PLAC1: variants seen among roughly 807,000 people sequenced by gnomAD.
PLAC1 encodes placenta associated 1.
For missense variants in PLAC1, 136 were observed against 163.2 expected (o/e 0.83, Z 0.91); for synonymous variants, 68 against 62.1 (o/e 1.09, Z -0.44).
intron 1 of PLAC1, among the ~76,000 whole-genome samples, chrX:134,652,912 A>G (rs2078370818): frequency 8.9e-6 from 1 of 111,987 alleles, no homozygotes; most frequent in African/African-American, 3.3e-5. Flanking sequence ...CCCAGATGTG[A>G]GGTCCGCGGC....
chrX:134,747,825 C>T (rs939876916), intron 1 of PLAC1, among the ~76,000 whole-genome samples: 2 of 112,029 alleles, frequency 1.8e-5, no homozygotes, highest in African/African-American at 6.5e-5. Context: ...CAGGAAAGGA[C>T]TTCAAAATTA....
intron 1 of PLAC1, among the ~76,000 whole-genome samples, chrX:134,652,447 A>G (rs2078368273): frequency 8.9e-6 from 1 of 112,264 alleles, no homozygotes; most frequent in Non-Finnish European, 1.9e-5. Context: ...TGAGTGGTGC[A>G]GCTGGCCCTT....
chrX:134,592,714 G>C (rs2078044377), intron 2 of PLAC1, among the ~76,000 whole-genome samples: 1 of 94,387 alleles, frequency 1.1e-5, no homozygotes, highest in African/African-American at 3.9e-5. Flanking sequence ...CTCTCTCTCT[G>C]TGTCTCTTTT....
chrX:134,759,674 A>G (rs886763198), intron 1 of PLAC1, among the ~76,000 whole-genome samples: 2 of 112,364 alleles, frequency 1.8e-5, no homozygotes, highest in African/African-American at 6.5e-5. Context: ...CTAAATGTCC[A>G]TCAACAGATG....
chrX:134,716,654 A>G (rs745688000), intron 2 of PLAC1, among the ~76,000 whole-genome samples: 3 of 112,489 alleles, frequency 2.7e-5, no homozygotes, highest in Non-Finnish European at 5.6e-5. Flanking sequence ...AGGCCCACAC[A>G]GTGTCATGTT....
At chrX:134,754,919 A>G (rs570812203) in intron 1 of PLAC1, among the ~76,000 whole-genome samples, 23 of 110,437 alleles carry the variant, frequency 2.1e-4, no homozygotes, top group African/African-American at 6.9e-4. Flanking sequence ...TAAATGTTGG[A>G]ATGACTTTAA....
intron 2 of PLAC1, among the ~76,000 whole-genome samples, chrX:134,689,682 T>C (rs2078530026): frequency 8.9e-6 from 1 of 111,909 alleles, no homozygotes; most frequent in African/African-American, 3.2e-5. Context: ...GGCAAGTCCC[T>C]GCCCTTCTCT....
intron 1 of PLAC1, among the ~76,000 whole-genome samples, chrX:134,744,415 G>A: frequency 9.0e-6 from 1 of 111,698 alleles, no homozygotes; most frequent in Non-Finnish European, 1.9e-5. Context: ...ATTATATCAG[G>A]TGACCCCGCC....
At chrX:134,580,965 C>T (rs897463167) in intron 2 of PLAC1, among the ~76,000 whole-genome samples, 3 of 112,052 alleles carry the variant, frequency 2.7e-5, no homozygotes, top group African/African-American at 9.7e-5. Flanking sequence ...CCTGTAGACT[C>T]ACCCAATAAA....
Position 134,565,953 on chromosome X carries a change from T to C in PLAC1, c.*91A>G. ...TTTCTCTTTCTCAAAAGTGCTCACA[T>C]GAGGGTCACAAGAGCACTTATTTGT... On this transcript the variant is annotated 3_prime_UTR_variant, in exon 3 of 3. Transcript: ENST00000359237. 5 of 773,425 alleles carry C rather than the reference T, an allele frequency of 6.5e-6. No individual in the cohort carries two copies. In the South Asian group the frequency reaches 8.1e-5, roughly 13 times the overall value. 63.7% of individuals were successfully genotyped at this position (773,425 alleles called of 1,213,427 possible).
At chrX:134,578,837 C>G (rs1259138809) in intron 2 of PLAC1, among the ~76,000 whole-genome samples, 2 of 108,919 alleles carry the variant, frequency 1.8e-5, no homozygotes, top group Non-Finnish European at 3.8e-5. Context: ...CAAAAGATAT[C>G]CAAATTAAAG....
At chrX:134,573,825 T>C (rs966695990) in intron 2 of PLAC1, among the ~76,000 whole-genome samples, 2 of 111,505 alleles carry the variant, frequency 1.8e-5, no homozygotes, top group African/African-American at 6.5e-5. Flanking sequence ...AGCTACCTTG[T>C]GCATGCCCCA....
chrX:134,615,133 T>G (rs1309956559), intron 1 of PLAC1, among the ~76,000 whole-genome samples: 1 of 112,250 alleles, frequency 8.9e-6, no homozygotes, highest in Non-Finnish European at 1.9e-5. Flanking sequence ...CCACTTTTAA[T>G]TTTTTCAGGA....
At chrX:134,576,006 TC>T (rs1191022236) in intron 2 of PLAC1, among the ~76,000 whole-genome samples, 3 of 107,764 alleles carry the variant, frequency 2.8e-5, no homozygotes, top group Non-Finnish European at 5.7e-5. Context: ...AAAGGAAGTT[TC>T]CCCCCACTGG....
intron 2 of PLAC1, among the ~76,000 whole-genome samples, chrX:134,722,468 C>T (rs898574223): frequency 1.8e-5 from 2 of 111,978 alleles, no homozygotes; most frequent in African/African-American, 6.5e-5. Context: ...CATGAAATGA[C>T]CAGAATGGGC....
At chrX:134,609,493 G>A (rs972459690) in intron 1 of PLAC1, among the ~76,000 whole-genome samples, 3 of 111,850 alleles carry the variant, frequency 2.7e-5, no homozygotes, top group African/African-American at 9.8e-5. Flanking sequence ...ATTTTCTAAC[G>A]TAATTCTGAG....
chrX:134,756,466 T>G (rs1354556166), intron 1 of PLAC1, among the ~76,000 whole-genome samples: 2 of 110,812 alleles, frequency 1.8e-5, no homozygotes, highest in Non-Finnish European at 3.8e-5. Context: ...TGGGACCAAA[T>G]TACCTTTTTG....
chrX:134,634,925 A>G (rs759106489), intron 1 of PLAC1, among the ~76,000 whole-genome samples: 10 of 111,682 alleles, frequency 9.0e-5, no homozygotes, highest in Non-Finnish European at 1.7e-4. Context: ...TCTATGTTGA[A>G]TTGTTTGAGA....
rs1335081987 is a variant in PLAC1, at chrX:134,566,624, C to A, written c.59G>T (p.Gly20Val). The change falls in exon 3 of 3, where the codon GGT becomes GTT. Residue 20 changes from glycine (G) to valine (V), a missense_variant. Physicochemically the swap from Gly to Val is moderately radical, Grantham distance 109 (BLOSUM62 -3). Coordinates refer to ENST00000359237, the MANE Select transcript of PLAC1 (RefSeq NM_021796.4). The stretch of plus-strand genomic sequence containing the variant: ...CACAGTCATTGGACTTTGTCCTGAA[C>A]CGGCTGAAAACGCAGAGGTGAGGAG... The part of the protein sequence containing the change: ...MILLTSAFSA[G>V]SGQSPMTVLC... 1 of 1,208,417 alleles carries A rather than the reference C, an allele frequency of 8.3e-7. No individual in the cohort carries two copies. Among genetic ancestry groups the A allele is most frequent in the South Asian group, 1.8e-5 (1 of 56,911 alleles).
Sources: allele counts gnomAD v4.1 joint callset (sites outside exome capture counted in the v4.1 genomes callset), GRCh38; gene constraint gnomAD v4.1.1; transcripts MANE v1.5; gene names NCBI Gene and HGNC (gene_info 2026-07-23, HGNC 2026-07-21).